The following EPDR1 variants were observed in gnomAD, a reference collection of about 807,000 sequenced individuals.
EPDR1 encodes mammalian ependymin-related protein 1.
In EPDR1, 27 loss-of-function variants were observed where a neutral mutation model predicts 23.7. That is an observed-to-expected ratio of 1.14 (90% confidence interval 0.84 to 1.57). The LOEUF (loss-of-function observed/expected upper bound fraction) is 1.57. Among genes scored for constraint, EPDR1 ranks in the 40% most tolerant of loss-of-function variants. The probability of loss-of-function intolerance (pLI) is 0.00; values close to 1 mark genes in which losing one functional copy is unlikely to be tolerated. For synonymous variants in EPDR1, 137 were observed against 118.2 expected (o/e 1.16, Z -1.03); for missense variants, 349 against 290.4 (o/e 1.20, Z -1.47).
At chr7:37,947,743 C>A (rs1786306721) in intron 1 of EPDR1, among the ~76,000 whole-genome samples, 1 of 152,176 alleles carries the variant, frequency 6.6e-6, no homozygotes, top group Non-Finnish European at 1.5e-5. Context: ...CAGTGAAATG[C>A]ATAGAAACAC....
intron 1 of EPDR1, among the ~76,000 whole-genome samples, chr7:37,944,160 A>C (rs7778151): frequency 0.061 from 9,279 of 152,324 alleles, 408 homozygotes; most frequent in African/African-American, 0.12. Context: ...GGGTGCTCCA[A>C]GCATCTCAGA....
At chr7:37,926,893 G>C in intron 1 of EPDR1, 1 of 277,518 alleles carries the variant, frequency 3.6e-6, no homozygotes, top group Non-Finnish European at 7.5e-6. Flanking sequence ...TTGTATCAGT[G>C]TGGACTCAAG....
chr7:37,932,105 A>G (rs1785954942), intron 1 of EPDR1, among the ~76,000 whole-genome samples: 1 of 152,086 alleles, frequency 6.6e-6, no homozygotes, highest in Non-Finnish European at 1.5e-5. Context: ...GTTCTCTTAC[A>G]TTACATCTGT....
chr7:37,930,919 C>A (rs557749805), intron 1 of EPDR1, among the ~76,000 whole-genome samples: 1 of 152,182 alleles, frequency 6.6e-6, no homozygotes, highest in Admixed American at 6.5e-5. Context: ...TTATAAGGAG[C>A]TTTGTCACAA....
chr7:37,938,241 T>A (rs1485369244), intron 1 of EPDR1, among the ~76,000 whole-genome samples: 1 of 151,982 alleles, frequency 6.6e-6, no homozygotes, highest in Non-Finnish European at 1.5e-5. Flanking sequence ...CCGCCTGCCA[T>A]GACCTCCCAA....
intron 1 of EPDR1, among the ~76,000 whole-genome samples, chr7:37,923,451 G>A (rs1785752589): frequency 6.6e-6 from 1 of 152,192 alleles, no homozygotes; most frequent in South Asian, 2.1e-4. Context: ...TGATGGCATA[G>A]GGTAGATGGT....
chr7:37,937,657 C>A (rs1786081311), intron 1 of EPDR1, among the ~76,000 whole-genome samples: 2 of 152,222 alleles, frequency 1.3e-5, no homozygotes. Context: ...TGAGGGGGCA[C>A]AATGGAGGCT....
intron 1 of EPDR1, among the ~76,000 whole-genome samples, chr7:37,936,023 T>TAC (rs1287919618): frequency 1.0e-5 from 1 of 99,658 alleles, no homozygotes; most frequent in African/African-American, 3.6e-5. Flanking sequence ...TATATATATA[T>TAC]ATATATATAT....
At chr7:37,943,937 A>G (rs546579093) in intron 1 of EPDR1, among the ~76,000 whole-genome samples, 13 of 152,220 alleles carry the variant, frequency 8.5e-5, no homozygotes, top group Non-Finnish European at 1.6e-4. Context: ...CAGGTGACTG[A>G]CCAGGCATCT....
rs200181352 is a variant in EPDR1, at chr7:37,920,667, T to C, written c.-273T>C. The C allele has an allele frequency of 1.3e-6, 1 of 742,760 alleles. No homozygotes were observed. The highest frequency in any genetic ancestry group is 2.1e-6 in the Non-Finnish European group (1 of 483,092). 46.0% of individuals were successfully genotyped at this position (742,760 alleles called of 1,614,324 possible). On this transcript the variant is annotated 5_prime_UTR_variant, in exon 1 of 3. Coordinates refer to ENST00000199448, the MANE Select transcript of EPDR1 (RefSeq NM_017549.5). Reference sequence around the variant, plus strand: ...TGAAAACCGAAGCGGCAGAAGGCAGTGGCAGCAGGCAGTGGCAGCAGGCAG... The same window carrying C: ...TGAAAACCGAAGCGGCAGAAGGCAGCGGCAGCAGGCAGTGGCAGCAGGCAG...
intron 2 of EPDR1, 96 bp from the exon 3 acceptor site, chr7:37,950,097 AAAATGGT>A: frequency 3.5e-6 from 3 of 849,818 alleles, no homozygotes; most frequent in Non-Finnish European, 5.3e-6. Flanking sequence ...TAAAAATGGT[AAAATGGT>A]AAATTTTATG....
At chr7:37,940,811 T>C (rs1406968831) in intron 1 of EPDR1, among the ~76,000 whole-genome samples, 1 of 151,996 alleles carries the variant, frequency 6.6e-6, no homozygotes, top group Non-Finnish European at 1.5e-5. Flanking sequence ...TTTTTTCTAA[T>C]TGGAAGCTCT....
chr7:37,948,801 C>A, intron 1 of EPDR1, 39 bp from the exon 2 acceptor site: 1 of 1,548,678 alleles, frequency 6.5e-7, no homozygotes, highest in Non-Finnish European at 8.9e-7. Flanking sequence ...AGGATGGTAA[C>A]ATGAAGTCCC....
chr7:37,940,343 A>G (rs957839978), intron 1 of EPDR1, among the ~76,000 whole-genome samples: 1 of 152,210 alleles, frequency 6.6e-6, no homozygotes, highest in African/African-American at 2.4e-5. Flanking sequence ...GCCTCAACGT[A>G]CCATTTTCTG....
chr7:37,929,393 G>A (rs1373634577), intron 1 of EPDR1, among the ~76,000 whole-genome samples: 3 of 152,134 alleles, frequency 2.0e-5, no homozygotes, highest in African/African-American at 2.4e-5. Flanking sequence ...GGACCTAAAC[G>A]AATACTTGTC....
chr7:37,922,196 G>A (rs994294337), intron 1 of EPDR1, among the ~76,000 whole-genome samples: 1 of 152,132 alleles, frequency 6.6e-6, no homozygotes, highest in Non-Finnish European at 1.5e-5. Flanking sequence ...CCAATGGACT[G>A]TAAGATCTAT....
chr7:37,927,826 C>T (rs1178870614), intron 1 of EPDR1, among the ~76,000 whole-genome samples: 1 of 152,214 alleles, frequency 6.6e-6, no homozygotes, highest in Non-Finnish European at 1.5e-5. Flanking sequence ...ATTTTGGTCT[C>T]AGATGGCTGG....
intron 1 of EPDR1, among the ~76,000 whole-genome samples, chr7:37,940,240 A>AT (rs1315101296): frequency 1.3e-5 from 2 of 152,222 alleles, no homozygotes; most frequent in Non-Finnish European, 2.9e-5. Flanking sequence ...TTTGACAGGC[A>AT]TGCAGGAAAA....
chr7:37,940,219 G>A lies in EPDR1; in HGVS notation c.270-8621G>A, dbSNP rs372480791. Among the ~76,000 whole-genome samples the A allele has an allele frequency of 3.6e-3, 544 of 152,238 alleles. 2 individuals carry two copies. Among genetic ancestry groups the A allele is most frequent in the African/African-American group, 0.013 (527 of 41,562 alleles). On this transcript the variant is annotated intron_variant, in intron 1 of 2. Transcript: ENST00000199448. ...GAGAAAATAATAATTCACATATGTA[G>A]TTGCTTATTTTTTGACAGGCATGCA...
Sources: allele counts gnomAD v4.1 joint callset (sites outside exome capture counted in the v4.1 genomes callset), GRCh38; gene constraint gnomAD v4.1.1; transcripts MANE v1.5; gene names NCBI Gene and HGNC (gene_info 2026-07-23, HGNC 2026-07-21).